DCDC1: variants seen among roughly 807,000 people sequenced by gnomAD.
The protein encoded by DCDC1 is doublecortin domain containing 1, also known as doublecortin domain-containing protein 1.
In DCDC1, 200 loss-of-function variants were observed where a neutral mutation model predicts 178.3. The ratio of observed to expected loss-of-function variants is 1.12; its 90% CI spans 1.00 to 1.26. The LOEUF (loss-of-function observed/expected upper bound fraction) is 1.26. Among genes scored for constraint, DCDC1 ranks in the 50% most tolerant of loss-of-function variants. The pLI, the probability that DCDC1 is intolerant of heterozygous loss-of-function variation, is 0.00. For synonymous variants in DCDC1, 690 were observed against 604.8 expected (o/e 1.14, Z -2.07); for missense variants, 1,983 against 1,749.2 (o/e 1.13, Z -2.38).
intron 29 of DCDC1, among the ~76,000 whole-genome samples, chr11:30,907,087 A>G (rs550601715): frequency 6.6e-6 from 1 of 152,304 alleles, no homozygotes; most frequent in South Asian, 2.1e-4. Flanking sequence ...AGGAGCCAAC[A>G]TGAAGGAGCC....
rs1945092069 is a variant in DCDC1, at chr11:31,265,510, T to C, written c.1051A>G (p.Lys351Glu). The C allele has an allele frequency of 7.1e-7, 1 of 1,411,956 alleles. No homozygotes were observed. The highest frequency in any genetic ancestry group is 1.5e-5 in the African/African-American group (1 of 67,410). The allele number at this position is 1,411,956 out of a possible 1,614,324, so 87.5% of individuals were successfully genotyped here. A position where few individuals can be genotyped will look rare whatever the true frequency, so the allele number is the denominator to read the frequency against. ...TTACAAAATCTTTGCCACTTACCTT[T>C]TGAAATATCTTCAATTTTTCTGCCA... The part of the protein sequence containing the change: ...LYGRKIEDIS[K>E]VPLLEKCLQN... Residue 351 changes from lysine (K) to glutamate (E), a missense_variant, in exon 8 of 39, where the codon AAA (lysine) becomes GAA (glutamate). Lys to Glu is a moderately conservative substitution (Grantham distance 56, BLOSUM62 1). Coordinates refer to ENST00000684477, the MANE Select transcript of DCDC1 (RefSeq NM_001387274.1).
intron 17 of DCDC1, among the ~76,000 whole-genome samples, chr11:31,088,560 A>T (rs1957612229): frequency 6.6e-6 from 1 of 152,142 alleles, no homozygotes; most frequent in Non-Finnish European, 1.5e-5. Flanking sequence ...GGTATAAAAA[A>T]ATCTTTCTTC....
At chr11:30,903,733 G>A (rs1944870743) in intron 31 of DCDC1, 50 bp from the exon 32 acceptor site, 1 of 1,402,492 alleles carries the variant, frequency 7.1e-7, no homozygotes, top group Non-Finnish European at 9.5e-7. Context: ...GATAGCATTG[G>A]GAATGATCAT....
chr11:31,138,098 T>TA (rs5790851), intron 9 of DCDC1, among the ~76,000 whole-genome samples: 1 of 151,740 alleles, frequency 6.6e-6, no homozygotes, highest in Non-Finnish European at 1.5e-5. Flanking sequence ...AGCAACTTTT[T>TA]AAAAAAAAAT....
intron 18 of DCDC1, among the ~76,000 whole-genome samples, chr11:31,069,304 A>G (rs138381170): frequency 0.011 from 1,662 of 152,326 alleles, 13 homozygotes; most frequent in Non-Finnish European, 0.018. Context: ...ACATTAGCAA[A>G]AAGAAGTTTA....
At chr11:31,328,054 C>G in intron 3 of DCDC1, 63 bp downstream of exon 3, 1 of 1,464,706 alleles carries the variant, frequency 6.8e-7, no homozygotes, top group Non-Finnish European at 9.1e-7. Flanking sequence ...ATTTAAACTA[C>G]TTTCTATAAA....
chr11:31,154,929 G>A (rs1274502670), intron 9 of DCDC1, among the ~76,000 whole-genome samples: 1 of 152,174 alleles, frequency 6.6e-6, no homozygotes, highest in African/African-American at 2.4e-5. Flanking sequence ...CAGGTGTTCA[G>A]CCTTGTGTTC....
intron 21 of DCDC1, among the ~76,000 whole-genome samples, chr11:30,937,796 C>G (rs910464028): frequency 3.3e-5 from 5 of 152,112 alleles, no homozygotes; most frequent in African/African-American, 1.2e-4. Context: ...CTGACAGCTG[C>G]CCCCAGTGGA....
chr11:31,172,332 G>T (rs1427999853), intron 9 of DCDC1, among the ~76,000 whole-genome samples: 1 of 151,894 alleles, frequency 6.6e-6, no homozygotes, highest in Non-Finnish European at 1.5e-5. Context: ...GACACTAGGG[G>T]TCATATATTA....
Position 31,216,282 on chromosome 11 carries a change from C to T in DCDC1, c.1221+25168G>A, listed in dbSNP as rs1481473956. 2.6e-5 allele frequency among the ~76,000 whole-genome samples: 4 copies of T among 152,092 alleles called. No individual in the cohort carries two copies. In the East Asian group the frequency reaches 7.7e-4, roughly 29 times the overall value. On this transcript the variant is annotated intron_variant, in intron 9 of 38. Coordinates refer to ENST00000684477, the MANE Select transcript of DCDC1 (RefSeq NM_001387274.1). ...AGACAGATAGAGGATTAGATATACACAGAAATTTCCTAATGCTTACGAATT... is the reference window on the plus strand; with the variant it reads ...AGACAGATAGAGGATTAGATATACATAGAAATTTCCTAATGCTTACGAATT...
At chr11:31,196,111 G>T (rs1970660375) in intron 9 of DCDC1, among the ~76,000 whole-genome samples, 1 of 151,912 alleles carries the variant, frequency 6.6e-6, no homozygotes, top group Non-Finnish European at 1.5e-5. Context: ...CTTCCTGTTG[G>T]ATGAAAACTT....
chr11:31,294,312 G>A (rs920002549), intron 6 of DCDC1, among the ~76,000 whole-genome samples: 2 of 151,928 alleles, frequency 1.3e-5, no homozygotes, highest in African/African-American at 4.8e-5. Context: ...GGGCGCTGTG[G>A]CTCATGCCTG....
intron 38 of DCDC1, among the ~76,000 whole-genome samples, chr11:30,873,744 C>T (rs997082907): frequency 1.3e-5 from 2 of 152,260 alleles, no homozygotes; most frequent in Middle Eastern, 3.4e-3. Flanking sequence ...TTCCAAAGCT[C>T]TCCTTCTTTG....
At chr11:31,210,848 A>G (rs1193619598) in intron 9 of DCDC1, among the ~76,000 whole-genome samples, 1 of 152,136 alleles carries the variant, frequency 6.6e-6, no homozygotes, top group East Asian at 1.9e-4. Flanking sequence ...AATAAATAAA[A>G]CCTTGAAGCA....
At chr11:31,155,712 C>G (rs1433344458) in intron 9 of DCDC1, among the ~76,000 whole-genome samples, 1 of 152,134 alleles carries the variant, frequency 6.6e-6, no homozygotes, top group African/African-American at 2.4e-5. Flanking sequence ...GGAAACTACC[C>G]TAGGCTGGAG....
At chr11:31,260,579 C>T (rs1304400019) in intron 8 of DCDC1, among the ~76,000 whole-genome samples, 3 of 152,148 alleles carry the variant, frequency 2.0e-5, no homozygotes, top group Admixed American at 6.5e-5. Context: ...AGTATTCTAA[C>T]TCATTTCAGA....
At chr11:30,953,578 T>C (rs1322644754) in intron 20 of DCDC1, among the ~76,000 whole-genome samples, 3 of 152,060 alleles carry the variant, frequency 2.0e-5, no homozygotes, top group South Asian at 2.1e-4. Flanking sequence ...AGGAAAAATA[T>C]GTGAAGGGGA....
intron 1 of DCDC1, among the ~76,000 whole-genome samples, chr11:31,341,444 T>C (rs1574922): frequency 1 from 152,065 of 152,080 alleles, 76,025 homozygotes; most frequent in Middle Eastern, 1. Flanking sequence ...GATAGACATG[T>C]GTTGCTTAAC....
chr11:31,225,257 G>A (rs1487271459), intron 9 of DCDC1, among the ~76,000 whole-genome samples: 2 of 151,410 alleles, frequency 1.3e-5, no homozygotes, highest in African/African-American at 2.4e-5. Flanking sequence ...AAGTAACTCA[G>A]GAACATACAA....
Sources: gnomAD v4.1 joint callset for allele counts (sites outside exome capture counted in the v4.1 genomes callset) on GRCh38, gnomAD v4.1.1 for gene constraint, MANE v1.5 for transcripts, NCBI Gene and HGNC (gene_info 2026-07-23, HGNC 2026-07-21) for gene names.